Variants in AKT3 observed in about 807,000 individuals in gnomAD.
The protein encoded by AKT3 is AKT serine/threonine kinase 3, also known as RAC-gamma serine/threonine-protein kinase.
A neutral mutation model predicts 65.3 loss-of-function variants in AKT3; 15 were observed. The observed-to-expected ratio is 0.23, with a 90% CI of 0.15 to 0.35. AKT3 has a LOEUF of 0.35. AKT3 is among the 10% of genes least tolerant of loss of function. The pLI is 1.00. For synonymous variants in AKT3, 206 were observed against 183.8 expected (o/e 1.12, Z -0.98); for missense variants, 243 against 576.5 (o/e 0.42, Z 5.92).
At chr1:243,844,301 C>T (rs1191575537) in intron 1 of AKT3, among the ~76,000 whole-genome samples, 1 of 152,174 alleles carries the variant, frequency 6.6e-6, no homozygotes, top group African/African-American at 2.4e-5. Context: ...GAGCCAAGAT[C>T]TGAACCCAGG....
At chr1:243,653,396 C>G (rs1437403998) in intron 4 of AKT3, among the ~76,000 whole-genome samples, 1 of 152,202 alleles carries the variant, frequency 6.6e-6, no homozygotes, top group East Asian at 1.9e-4. Context: ...GATGGATTCA[C>G]AGCTGAATTC....
At chr1:243,764,536 A>G (rs1689695317) in intron 2 of AKT3, among the ~76,000 whole-genome samples, 1 of 152,114 alleles carries the variant, frequency 6.6e-6, no homozygotes, top group African/African-American at 2.4e-5. Flanking sequence ...AACTTTCACT[A>G]AAATTTATTT....
chr1:243,805,375 A>T (rs1692659340), intron 2 of AKT3, among the ~76,000 whole-genome samples: 1 of 152,206 alleles, frequency 6.6e-6, no homozygotes, highest in East Asian at 1.9e-4. Flanking sequence ...ATTTCCTACC[A>T]CACTAGCACG....
intron 3 of AKT3, among the ~76,000 whole-genome samples, chr1:243,685,659 T>C (rs1202304316): frequency 6.6e-6 from 1 of 152,086 alleles, no homozygotes; most frequent in African/African-American, 2.4e-5. Context: ...TTTGGCTATA[T>C]GGGCTCTTTC....
At chr1:243,850,821 G>A (rs1342483797), upstream of AKT3, among the ~76,000 whole-genome samples, 1 of 151,900 alleles carries the variant, frequency 6.6e-6, no homozygotes, top group Admixed American at 6.5e-5. Flanking sequence ...AGCCAGAGCC[G>A]GGAGCGGGGG....
intron 2 of AKT3, among the ~76,000 whole-genome samples, chr1:243,724,841 A>T (rs1687111959): frequency 6.6e-6 from 1 of 152,144 alleles, no homozygotes; most frequent in African/African-American, 2.4e-5. Flanking sequence ...TGAGGGAAAA[A>T]AGATGAAGAA....
At chr1:243,492,547 G>A (rs563663767) in intron 13 of AKT3, among the ~76,000 whole-genome samples, 3 of 146,902 alleles carry the variant, frequency 2.0e-5, no homozygotes, top group South Asian at 2.1e-4. Context: ...CAAATGATCC[G>A]CCCACCTTAG....
intron 1 of AKT3, among the ~76,000 whole-genome samples, chr1:243,846,968 G>C (rs1238094890): frequency 6.6e-6 from 1 of 152,196 alleles, no homozygotes; most frequent in Non-Finnish European, 1.5e-5. Flanking sequence ...CTGCTTACCA[G>C]GCATTGGTTA....
intron 2 of AKT3, among the ~76,000 whole-genome samples, chr1:243,753,858 T>C (rs1349980664): frequency 4.6e-5 from 7 of 152,192 alleles, no homozygotes; most frequent in African/African-American, 9.7e-5. Flanking sequence ...AATCCCATCT[T>C]TTCCCATGAA....
intron 2 of AKT3, among the ~76,000 whole-genome samples, chr1:243,823,527 T>C (rs1171927164): frequency 2.0e-5 from 3 of 152,172 alleles, no homozygotes; most frequent in African/African-American, 7.2e-5. Context: ...AATCCCATCA[T>C]CTCAGCCCAA....
chr1:243,521,876 T>G (rs1273866518), intron 12 of AKT3, among the ~76,000 whole-genome samples: 1 of 152,252 alleles, frequency 6.6e-6, no homozygotes, highest in African/African-American at 2.4e-5. Flanking sequence ...TATTTTCTTT[T>G]CTGTGATAAA....
At chr1:243,540,414 A>C (rs1672226972) in intron 12 of AKT3, among the ~76,000 whole-genome samples, 1 of 152,204 alleles carries the variant, frequency 6.6e-6, no homozygotes, top group Non-Finnish European at 1.5e-5. Context: ...AAAAACTCTC[A>C]GTAACCTAGG....
chr1:243,703,615 C>T (rs929864844), intron 2 of AKT3, among the ~76,000 whole-genome samples: 1 of 151,738 alleles, frequency 6.6e-6, no homozygotes, highest in East Asian at 1.9e-4. Flanking sequence ...AAAAATTAGC[C>T]GGGCGTGGTG....
At chr1:243,639,639 T>G (rs182300964) in intron 5 of AKT3, among the ~76,000 whole-genome samples, 1 of 152,202 alleles carries the variant, frequency 6.6e-6, no homozygotes, top group Non-Finnish European at 1.5e-5. Flanking sequence ...GAAGTTACCC[T>G]GTATGGTCTG....
At chr1:243,763,497 G>A (rs982691416) in intron 2 of AKT3, among the ~76,000 whole-genome samples, 12 of 151,998 alleles carry the variant, frequency 7.9e-5, no homozygotes, top group Admixed American at 2.6e-4. Context: ...GCCCTTCATG[G>A]ATATCTGTTT....
At chr1:243,652,662 G>C (rs928740101) in intron 4 of AKT3, among the ~76,000 whole-genome samples, 1 of 149,608 alleles carries the variant, frequency 6.7e-6, no homozygotes, top group Non-Finnish European at 1.5e-5. Flanking sequence ...ATTGGATAAA[G>C]AGTCAAGATC....
At chr1:243,750,205 A>G (rs1467807932) in intron 2 of AKT3, among the ~76,000 whole-genome samples, 4 of 152,178 alleles carry the variant, frequency 2.6e-5, no homozygotes, top group Non-Finnish European at 2.9e-5. Flanking sequence ...TAATGCTTTA[A>G]CCCTACTTGG....
intron 5 of AKT3, among the ~76,000 whole-genome samples, chr1:243,642,587 G>C (rs988507883): frequency 6.6e-6 from 1 of 152,218 alleles, no homozygotes; most frequent in Non-Finnish European, 1.5e-5. Context: ...GGGATTACAG[G>C]CGTGAGCCAC....
At chr1:243,785,768 G>A (rs985809532) in intron 2 of AKT3, among the ~76,000 whole-genome samples, 3 of 152,148 alleles carry the variant, frequency 2.0e-5, no homozygotes, top group South Asian at 2.1e-4. Flanking sequence ...ATTCCTGGAA[G>A]GTATTCTTAC....
Sources: allele counts gnomAD v4.1 joint callset (sites outside exome capture counted in the v4.1 genomes callset), GRCh38; gene constraint gnomAD v4.1.1; transcripts MANE v1.5; gene names NCBI Gene and HGNC (gene_info 2026-07-23, HGNC 2026-07-21).